The following RBFOX1 variants were observed in gnomAD, a reference collection of about 807,000 sequenced individuals.
RBFOX1 encodes RNA binding protein fox-1 homolog 1.
Under a neutral mutation model 57.7 loss-of-function variants are expected in RBFOX1, and 8 were observed. The ratio of observed to expected loss-of-function variants is 0.14; its 90% CI spans 0.08 to 0.25. The LOEUF (loss-of-function observed/expected upper bound fraction) is 0.25, where lower values mean the gene tolerates loss of function less well. RBFOX1 is among the 10% of genes least tolerant of loss of function. The pLI is 1.00. For synonymous variants in RBFOX1, 326 were observed against 222.4 expected (o/e 1.47, Z -4.15); for missense variants, 611 against 548.5 (o/e 1.11, Z -1.14).
intron 1 of RBFOX1, among the ~76,000 whole-genome samples, chr16:5,353,730 A>AG (rs2065316353): frequency 2.9e-5 from 1 of 34,984 alleles, no homozygotes; most frequent in Admixed American, 4.5e-4. Context: ...ATTGAGGAAA[A>AG]AAAAAAAAAC....
intron 3 of RBFOX1, among the ~76,000 whole-genome samples, chr16:6,889,239 C>A (rs373989541): frequency 3.3e-5 from 5 of 152,300 alleles, no homozygotes; most frequent in African/African-American, 1.2e-4. Context: ...TGAGTCTTCT[C>A]CCACCCCATT....
At chr16:6,848,796 A>C (rs2093906976) in intron 3 of RBFOX1, among the ~76,000 whole-genome samples, 1 of 152,164 alleles carries the variant, frequency 6.6e-6, no homozygotes, top group Non-Finnish European at 1.5e-5. Context: ...TTAAAGAGAA[A>C]GTTTCACACT....
At chr16:6,895,034 C>G (rs964705429) in intron 3 of RBFOX1, among the ~76,000 whole-genome samples, 3 of 152,102 alleles carry the variant, frequency 2.0e-5, no homozygotes, top group Non-Finnish European at 2.9e-5. Flanking sequence ...TCCTTCTTAC[C>G]AGCTTCAAAT....
At chr16:6,422,653 G>C (rs2152991125) in intron 2 of RBFOX1, among the ~76,000 whole-genome samples, 1 of 152,274 alleles carries the variant, frequency 6.6e-6, no homozygotes, top group East Asian at 1.9e-4. Context: ...GCAGGAGCAG[G>C]AGCAAAAGAG....
chr16:6,759,557 G>C (rs2076314887), intron 3 of RBFOX1, among the ~76,000 whole-genome samples: 1 of 149,036 alleles, frequency 6.7e-6, no homozygotes, highest in Non-Finnish European at 1.5e-5. Context: ...AGTTGCTGTT[G>C]TTTTCATTGT....
chr16:6,157,779 C>G (rs2096848869), intron 1 of RBFOX1, among the ~76,000 whole-genome samples: 3 of 152,098 alleles, frequency 2.0e-5, no homozygotes, highest in Non-Finnish European at 4.4e-5. Context: ...TAACTCTGCT[C>G]TCTGTTATAT....
rs1373969129 is a variant in RBFOX1 at position 5,767,072 on chromosome 16, C to G, written c.319-100231C>G. 5.3e-5 allele frequency among the ~76,000 whole-genome samples: 8 copies of G among 152,180 alleles called. No homozygotes were observed. The South Asian group carries it at 1.4e-3, about 28-fold the overall frequency. ...TCTCAGTCAGTTGTATAAGGTTAGT[C>G]CCACCCTTTAAGACAGAAACCGTGT... On this transcript the variant is annotated intron_variant, in intron 3 of 19. Transcript: ENST00000641259.
rs918615687 is a variant in RBFOX1 at position 6,558,739 on chromosome 16, G to A, written c.-63-95864G>A. ...TCCCACTCTCACACAGGTAAAGAAC[G>A]TGTTTCAGCTAAGATGATTAACATG... On this transcript the variant is annotated intron_variant, in intron 2 of 15. Coordinates refer to ENST00000550418, the MANE Select transcript of RBFOX1 (RefSeq NM_018723.4). Among the ~76,000 whole-genome samples the A allele has an allele frequency of 3.9e-5, 6 of 152,050 alleles. No homozygotes were observed. The East Asian group carries it at 9.7e-4, about 24-fold the overall frequency.
chr16:6,319,503 G>A (rs1191878643), intron 2 of RBFOX1, among the ~76,000 whole-genome samples: 1 of 152,164 alleles, frequency 6.6e-6, no homozygotes, highest in Non-Finnish European at 1.5e-5. Context: ...CTTAACTCCT[G>A]ATGGAGTATT....
At chr16:7,064,672 G>A (rs372756551) in intron 4 of RBFOX1, among the ~76,000 whole-genome samples, 5 of 152,068 alleles carry the variant, frequency 3.3e-5, no homozygotes, top group African/African-American at 9.7e-5. Context: ...CCTGGTCCAC[G>A]GTACTTTGTT....
chr16:6,737,665 A>C (rs528732420), intron 3 of RBFOX1, among the ~76,000 whole-genome samples: 1 of 152,314 alleles, frequency 6.6e-6, no homozygotes, highest in South Asian at 2.1e-4. Flanking sequence ...AATCAGGTTC[A>C]ATATAGGCTA....
At chr16:6,887,104 C>G (rs953866991) in intron 3 of RBFOX1, among the ~76,000 whole-genome samples, 5 of 152,150 alleles carry the variant, frequency 3.3e-5, no homozygotes, top group African/African-American at 4.8e-5. Flanking sequence ...CATCATGTCC[C>G]TCACCAAACT....
At chr16:7,704,245 G>C (rs2081687294) in intron 14 of RBFOX1, among the ~76,000 whole-genome samples, 1 of 152,198 alleles carries the variant, frequency 6.6e-6, no homozygotes. Flanking sequence ...AAAAGATGAG[G>C]TCTCATGATG....
intron 5 of RBFOX1, among the ~76,000 whole-genome samples, chr16:7,565,499 CTG>C (rs2091457672): frequency 6.6e-6 from 1 of 152,152 alleles, no homozygotes; most frequent in African/African-American, 2.4e-5. Context: ...TCTCTGCAGA[CTG>C]AGAGAGGGGG....
At chr16:6,961,802 C>T (rs758137301) in intron 3 of RBFOX1, among the ~76,000 whole-genome samples, 3 of 152,084 alleles carry the variant, frequency 2.0e-5, no homozygotes, top group East Asian at 1.9e-4. Flanking sequence ...CATGCTAATG[C>T]GTTATAATTA....
chr16:7,011,211 T>C (rs2093638545), intron 3 of RBFOX1, among the ~76,000 whole-genome samples: 1 of 152,206 alleles, frequency 6.6e-6, no homozygotes, highest in Admixed American at 6.5e-5. Flanking sequence ...CGTGGAGTCC[T>C]CATACCATTC....
At chr16:6,103,674 G>A (rs1358251052) in intron 1 of RBFOX1, among the ~76,000 whole-genome samples, 1 of 152,124 alleles carries the variant, frequency 6.6e-6, no homozygotes, top group African/African-American at 2.4e-5. Context: ...GAGCCACTGA[G>A]CTAAGGATCT....
intron 9 of RBFOX1, among the ~76,000 whole-genome samples, chr16:7,604,105 G>A (rs1485101685): frequency 6.6e-6 from 1 of 152,174 alleles, no homozygotes; most frequent in African/African-American, 2.4e-5. Context: ...GGTAAGAGAA[G>A]AATCAAGGAA....
rs1315051919 is a variant in RBFOX1, at chr16:5,270,647, C to T, written c.219+30542C>T. The stretch of plus-strand genomic sequence containing the variant: ...ACTGAAGACCTCTTATGCTCAGCAC[C>T]AACAGTCTGCCAAATCCAGAAGAAG... On this transcript the variant is annotated intron_variant, in intron 1 of 2. Coordinates refer to the RBFOX1 transcript ENST00000585867. 9.0e-6 allele frequency: 5 copies of T among 554,082 alleles called. No individual in the cohort carries two copies. The African/African-American group carries it at 9.6e-5, about 11-fold the overall frequency. The allele number at this position is 554,082 out of a possible 1,614,324, so 34.3% of individuals were successfully genotyped here.
Sources: gnomAD v4.1 joint callset for allele counts (sites outside exome capture counted in the v4.1 genomes callset) on GRCh38, gnomAD v4.1.1 for gene constraint, MANE v1.5 for transcripts, NCBI Gene and HGNC (gene_info 2026-07-23, HGNC 2026-07-21) for gene names.